FYB1: variants seen among roughly 807,000 people sequenced by gnomAD.
The protein encoded by FYB1 is FYN-binding protein 1.
Under a neutral mutation model 94.1 loss-of-function variants are expected in FYB1, and 41 were observed. That is an observed-to-expected ratio of 0.44 (90% confidence interval 0.34 to 0.57). FYB1 has a LOEUF of 0.57. Ranked by LOEUF, FYB1 falls within the 20% of genes least tolerant of loss-of-function variation. The pLI is 0.02. For missense variants in FYB1, 1,050 were observed against 976.8 expected, an observed-to-expected ratio of 1.07 and a Z score of -1.00; for synonymous variants, 367 against 353.2, an observed-to-expected ratio of 1.04 and a Z score of -0.44.
chr5:39,237,137 T>A (rs1375500485), intron 1 of FYB1, among the ~76,000 whole-genome samples: 1 of 152,068 alleles, frequency 6.6e-6, no homozygotes, highest in Admixed American at 6.6e-5. Context: ...GACAAAACAA[T>A]TTGGGTTTGA....
chr5:39,119,958 C>G (rs148965476), intron 14 of FYB1, among the ~76,000 whole-genome samples: 116 of 152,152 alleles, frequency 7.6e-4, no homozygotes, highest in African/African-American at 2.7e-3. Flanking sequence ...TATTCTTAAA[C>G]CTCCCTAAAT....
Position 39,110,342 on chromosome 5 carries a change from GA to G in FYB1, c.2435+13del. 6.4e-7 allele frequency: 1 copy of G among 1,574,678 alleles called. No individual in the cohort carries two copies. The highest frequency in any genetic ancestry group is 1.3e-5 in the African/African-American group (1 of 74,128). The stretch of plus-strand genomic sequence containing the variant: ...TCTTTTCACAAGCATAGTAGTAGAA[GA>G]AAATGGGCTTACTTGTCCGCTAGGT... On this transcript the variant is annotated intron_variant, in intron 17 of 18. Coordinates refer to ENST00000512982, the MANE Select transcript of FYB1 (RefSeq NM_001465.6).
In FYB1 at chr5:39,186,214, A is replaced by G. The variant is rs143908097; in HGVS notation, c.1135+15612T>C. Among the ~76,000 whole-genome samples, 86 of 152,332 alleles carry G rather than the reference A, an allele frequency of 5.6e-4. No homozygotes were observed. In the East Asian group the frequency reaches 0.016, roughly 29 times the overall value. On this transcript the variant is annotated intron_variant, in intron 2 of 18. Transcript: ENST00000512982. ...GCGAAGGCGGGAGGATCACCAGGTC[A>G]AGAGATCGAGACCATCTTGGCCAAC...
At chr5:39,136,949 C>G (rs1297009880) in intron 7 of FYB1, among the ~76,000 whole-genome samples, 1 of 152,062 alleles carries the variant, frequency 6.6e-6, no homozygotes, top group African/African-American at 2.4e-5. Context: ...GCCATGTCAT[C>G]AAAGATGGTG....
intron 1 of FYB1, among the ~76,000 whole-genome samples, chr5:39,262,703 A>G (rs1275971180): frequency 6.6e-6 from 1 of 152,228 alleles, no homozygotes; most frequent in Non-Finnish European, 1.5e-5. Flanking sequence ...ACATGAATAA[A>G]TTACAATAGA....
intron 12 of FYB1, 122 bp downstream of exon 12, chr5:39,125,876 A>G (rs1399362791): frequency 3.1e-6 from 3 of 980,226 alleles, no homozygotes; most frequent in Non-Finnish European, 4.4e-6. Flanking sequence ...TTAACGGAAA[A>G]TTGCATTAAG....
chr5:39,144,752 A>G (rs1350884111), intron 3 of FYB1, among the ~76,000 whole-genome samples: 1 of 152,208 alleles, frequency 6.6e-6, no homozygotes, highest in Non-Finnish European at 1.5e-5. Context: ...CAGTGAGCCA[A>G]GATCGTGCCA....
intron 2 of FYB1, among the ~76,000 whole-genome samples, chr5:39,168,093 A>G (rs1042689218): frequency 3.3e-5 from 5 of 152,226 alleles, no homozygotes; most frequent in Non-Finnish European, 5.9e-5. Context: ...TAACTTTCTT[A>G]CGGTGCTAAT....
intron 1 of FYB1, among the ~76,000 whole-genome samples, chr5:39,227,209 A>C (rs1750512877): frequency 6.6e-6 from 1 of 152,228 alleles, no homozygotes; most frequent in African/African-American, 2.4e-5. Context: ...ATATACCAAA[A>C]AGATATAAAA....
intron 1 of FYB1, among the ~76,000 whole-genome samples, chr5:39,233,746 T>C (rs1561296034): frequency 6.6e-6 from 1 of 152,122 alleles, no homozygotes; most frequent in Non-Finnish European, 1.5e-5. Flanking sequence ...GCATATTGTT[T>C]TGGTTGAAGT....
At chr5:39,209,449 C>G (rs1309164414) in intron 1 of FYB1, among the ~76,000 whole-genome samples, 1 of 151,932 alleles carries the variant, frequency 6.6e-6, no homozygotes, top group East Asian at 1.9e-4. Context: ...GCCTCAGCCT[C>G]CGAGCAGGTG....
At chr5:39,151,682 A>G (rs1743264137) in intron 3 of FYB1, among the ~76,000 whole-genome samples, 1 of 152,216 alleles carries the variant, frequency 6.6e-6, no homozygotes, top group Non-Finnish European at 1.5e-5. Flanking sequence ...CTATTACAAA[A>G]GCACAATGTA....
At chr5:39,242,193 G>T (rs888228183) in intron 1 of FYB1, among the ~76,000 whole-genome samples, 1 of 151,748 alleles carries the variant, frequency 6.6e-6, no homozygotes, top group Non-Finnish European at 1.5e-5. Context: ...ACAATGTGCA[G>T]GTTTGTTACA....
chr5:39,221,858 C>A (rs138326072), upstream of FYB1, among the ~76,000 whole-genome samples: 76 of 151,866 alleles, frequency 5.0e-4, 1 homozygote, highest in Middle Eastern at 6.8e-3. Context: ...ATTAGCTGGG[C>A]GTGGTGGTGG....
intron 1 of FYB1, among the ~76,000 whole-genome samples, chr5:39,263,182 A>T (rs1752297155): frequency 6.6e-6 from 1 of 151,810 alleles, no homozygotes; most frequent in South Asian, 2.1e-4. Flanking sequence ...GAAGTTGCCG[A>T]ATCAAGAACT....
chr5:39,126,204 C>A, intron 11 of FYB1, 69 bp from the exon 12 acceptor site: 1 of 1,513,454 alleles, frequency 6.6e-7, no homozygotes, highest in South Asian at 1.2e-5. Context: ...TGTGGACATT[C>A]AGATTCTTTA....
At chr5:39,177,524 G>C (rs957018327) in intron 2 of FYB1, among the ~76,000 whole-genome samples, 4 of 152,164 alleles carry the variant, frequency 2.6e-5, no homozygotes, top group African/African-American at 9.7e-5. Flanking sequence ...TAACCACATT[G>C]CTCAATGTAA....
At chr5:39,192,187 T>A (rs1188715475) in intron 2 of FYB1, among the ~76,000 whole-genome samples, 1 of 152,244 alleles carries the variant, frequency 6.6e-6, no homozygotes, top group East Asian at 1.9e-4. Context: ...AAACATTTGA[T>A]GTGTGTATGC....
intron 1 of FYB1, among the ~76,000 whole-genome samples, chr5:39,265,247 C>T (rs180814587): frequency 1.3e-5 from 2 of 151,722 alleles, no homozygotes; most frequent in Non-Finnish European, 2.9e-5. Flanking sequence ...TCTGGGAGGC[C>T]GAGGCAGGTG....
Sources: allele counts gnomAD v4.1 joint callset (sites outside exome capture counted in the v4.1 genomes callset), GRCh38; gene constraint gnomAD v4.1.1; transcripts MANE v1.5; gene names NCBI Gene and HGNC (gene_info 2026-07-23, HGNC 2026-07-21).